The following CAMTA1 variants were observed in gnomAD, a reference collection of about 807,000 sequenced individuals.
CAMTA1 encodes calmodulin binding transcription activator 1.
A neutral mutation model predicts 170.9 loss-of-function variants in CAMTA1; 27 were observed. That is an observed-to-expected ratio of 0.16 (90% confidence interval 0.12 to 0.22). CAMTA1 has a LOEUF of 0.22. Ranked by LOEUF, CAMTA1 falls within the 10% of genes least tolerant of loss-of-function variation. The probability of loss-of-function intolerance (pLI) is 1.00; values close to 1 mark genes in which losing one functional copy is unlikely to be tolerated. For missense variants in CAMTA1, 1,619 were observed against 2,217.2 expected, an observed-to-expected ratio of 0.73 and a Z score of 5.42; for synonymous variants, 833 against 891.5, an observed-to-expected ratio of 0.93 and a Z score of 1.17.
chr1:6,875,577 G>A (rs1441579955), intron 3 of CAMTA1, among the ~76,000 whole-genome samples: 6 of 152,142 alleles, frequency 3.9e-5, no homozygotes, highest in African/African-American at 1.4e-4. Flanking sequence ...GAGCCACTGT[G>A]CCTGGCCCAG....
At chr1:7,677,281 G>A (rs1261737664) in intron 10 of CAMTA1, among the ~76,000 whole-genome samples, 2 of 152,198 alleles carry the variant, frequency 1.3e-5, no homozygotes, top group Non-Finnish European at 1.5e-5. Context: ...AGGGATGGGG[G>A]CCATTCACTC....
At chr1:6,923,212 G>A (rs1353932369) in intron 3 of CAMTA1, among the ~76,000 whole-genome samples, 1 of 152,132 alleles carries the variant, frequency 6.6e-6, no homozygotes, top group African/African-American at 2.4e-5. Flanking sequence ...GATAGCACTG[G>A]CTGGTGCTGT....
chr1:7,019,980 C>T (rs1415934711), intron 3 of CAMTA1, among the ~76,000 whole-genome samples: 1 of 152,232 alleles, frequency 6.6e-6, no homozygotes, highest in East Asian at 1.9e-4. Flanking sequence ...CTCAGAGTGG[C>T]AAGCATTGAT....
rs1469140236 is a variant in CAMTA1 at position 6,825,096 on chromosome 1, T to C, written c.120T>C (p.Asp40=). 1.3e-6 allele frequency: 2 copies of C among 1,542,058 alleles called. No individual in the cohort carries two copies. The highest frequency in any genetic ancestry group is 2.3e-5 in the South Asian group (2 of 85,710). The change falls in exon 3 of 23, where the codon GAT becomes GAC. Residue 40 remains aspartate (D), a synonymous_variant. Coordinates refer to ENST00000303635, the MANE Select transcript of CAMTA1 (RefSeq NM_015215.4). ...TTATTGTTTTCTTCTTTGTAGATGA[T>C]CATGGGAACAGCAATAGTAGTCATG... The part of the protein sequence containing the change: ...VLNTVPPIED[D]HGNSNSSHVK...
At chr1:7,612,306 T>A (rs61774183) in intron 6 of CAMTA1, among the ~76,000 whole-genome samples, 13,916 of 151,882 alleles carry the variant, frequency 0.092, 892 homozygotes, top group Middle Eastern at 0.2. Context: ...TCCCCTGGAG[T>A]TTGGTCATCC....
chr1:7,738,213 C>G lies in CAMTA1; in HGVS notation c.3913C>G (p.Pro1305Ala), dbSNP rs2096785230. ...CAGCCGGGAACTCTCCCCTCCCACT[C>G]CAGAGACTGCAGCATTTCAAGCCTC... ...DFSRELSPPTPETAAFQASGS... is the reference protein window; with the variant it reads ...DFSRELSPPTAETAAFQASGS... Residue 1305 changes from proline to alanine, a missense_variant, in exon 16 of 23, where the codon CCA becomes GCA. Physicochemically the swap from Pro to Ala is conservative, Grantham distance 27. Coordinates refer to ENST00000303635, the MANE Select transcript of CAMTA1 (RefSeq NM_015215.4). The surrounding 1 kb of genome is among the most constrained non-coding windows in gnomAD (Gnocchi z 4.9). The G allele has an allele frequency of 6.2e-7, 1 of 1,613,884 alleles. No homozygotes were observed. Among genetic ancestry groups the G allele is most frequent in the South Asian group, 1.1e-5 (1 of 91,076 alleles).
In CAMTA1 at chr1:7,534,073, G is replaced by A. The variant is rs1414083852; in HGVS notation, c.510+66172G>A. On this transcript the variant is annotated intron_variant, in intron 6 of 22. Transcript: ENST00000303635. This position sits in a 1 kb window ranked among gnomAD's most constrained non-coding sequence, Gnocchi z 5.6. Reference sequence around the variant, plus strand: ...GCCCTTGCCCAGCCTGGCTCTCCTGGGGGCTCATGGGACTCCTGAGGCCCC... The same window carrying A: ...GCCCTTGCCCAGCCTGGCTCTCCTGAGGGCTCATGGGACTCCTGAGGCCCC... Among the ~76,000 whole-genome samples, 1 of 152,126 alleles carries A rather than the reference G, an allele frequency of 6.6e-6. No homozygotes were observed. Among genetic ancestry groups the A allele is most frequent in the African/African-American group, 2.4e-5 (1 of 41,428 alleles).
intron 3 of CAMTA1, among the ~76,000 whole-genome samples, chr1:6,857,940 AAGAT>A (rs2148869511): frequency 6.6e-6 from 1 of 152,362 alleles, no homozygotes; most frequent in African/African-American, 2.4e-5. Context: ...ACTAGAATGC[AAGAT>A]ATGCCAGGGC....
rs114057484 is a variant in CAMTA1 at position 7,370,468 on chromosome 1, G to A, written c.439-97362G>A. 7.6e-3 allele frequency among the ~76,000 whole-genome samples: 1,150 copies of A among 152,264 alleles called. 9 individuals carry two copies. Among genetic ancestry groups the A allele is most frequent in the Middle Eastern group, 0.024 (7 of 294 alleles). ...TGAACCCAAGGGTTTTAAAATCGAT[G>A]TAAGAAACGTGCACATCCAGAAATG... On this transcript the variant is annotated intron_variant, in intron 5 of 22. Coordinates refer to ENST00000303635, the MANE Select transcript of CAMTA1 (RefSeq NM_015215.4).
chr1:7,477,041 C>T (rs1031878576), intron 6 of CAMTA1, among the ~76,000 whole-genome samples: 3 of 152,160 alleles, frequency 2.0e-5, no homozygotes, highest in African/African-American at 4.8e-5. Flanking sequence ...ACGCTTGCGC[C>T]ATTAGATAAT....
At chr1:7,137,508 T>C (rs1412104760) in intron 4 of CAMTA1, among the ~76,000 whole-genome samples, 1 of 151,984 alleles carries the variant, frequency 6.6e-6, no homozygotes, top group Non-Finnish European at 1.5e-5. Context: ...AAATGTACGA[T>C]CCCCCGCTCC....
At position 6,987,328 on chromosome 1, in the gene CAMTA1, G is replaced by C. The variant is rs569732500; in HGVS notation, c.235-103976G>C. 1.1e-3 allele frequency among the ~76,000 whole-genome samples: 165 copies of C among 152,202 alleles called. 1 individual carries two copies. Among genetic ancestry groups the C allele is most frequent in the Admixed American group, 2.5e-3 (39 of 15,296 alleles). ...CAGGCATGTGCCACCATGCCCGGCT[G>C]ATTATTTTGTATTTTTAGTAGAGAC... On this transcript the variant is annotated intron_variant, in intron 3 of 22. Transcript: ENST00000303635.
intron 6 of CAMTA1, among the ~76,000 whole-genome samples, chr1:7,473,200 G>A (rs1199370956): frequency 6.6e-6 from 1 of 152,146 alleles, no homozygotes; most frequent in Non-Finnish European, 1.5e-5. Context: ...GCTGCAGGGA[G>A]AGGCCCTAGG....
chr1:7,178,179 T>C (rs933248784), intron 4 of CAMTA1, among the ~76,000 whole-genome samples: 10 of 152,226 alleles, frequency 6.6e-5, no homozygotes, highest in African/African-American at 2.4e-4. Context: ...TAGCTTTTGT[T>C]CCTCTCTCTG....
At chr1:7,388,754 C>T (rs565653316) in intron 5 of CAMTA1, among the ~76,000 whole-genome samples, 3 of 152,338 alleles carry the variant, frequency 2.0e-5, no homozygotes, top group South Asian at 2.1e-4. Context: ...CTGCCCATCT[C>T]CACTTGGAGT....
chr1:7,749,555 C>A (rs2096881123), intron 19 of CAMTA1, among the ~76,000 whole-genome samples: 1 of 151,558 alleles, frequency 6.6e-6, no homozygotes, highest in African/African-American at 2.4e-5. Context: ...AAAAAACCCT[C>A]CCCAGAAACT....
At chr1:7,743,889 C>T (rs533434234) in intron 16 of CAMTA1, among the ~76,000 whole-genome samples, 20 of 150,522 alleles carry the variant, frequency 1.3e-4, no homozygotes, top group African/African-American at 2.0e-4. Flanking sequence ...TGCAGTGGCG[C>T]GATCTTGGCT....
intron 5 of CAMTA1, among the ~76,000 whole-genome samples, chr1:7,326,073 G>T (rs950702965): frequency 6.6e-6 from 1 of 152,068 alleles, no homozygotes; most frequent in African/African-American, 2.4e-5. Flanking sequence ...TGGCCAGACT[G>T]GTCTTGAACT....
chr1:7,696,915 G>A (rs1175903673), intron 11 of CAMTA1, among the ~76,000 whole-genome samples: 1 of 152,204 alleles, frequency 6.6e-6, no homozygotes. Context: ...GTATTGCTTT[G>A]CTGGTGCAGG....
Sources: allele counts gnomAD v4.1 joint callset (sites outside exome capture counted in the v4.1 genomes callset), GRCh38; gene constraint gnomAD v4.1.1; non-coding constraint Gnocchi (gnomAD v3.1); transcripts MANE v1.5; gene names NCBI Gene and HGNC (gene_info 2026-07-23, HGNC 2026-07-21).